The following PTPRN2 variants were observed in gnomAD, a reference collection of about 807,000 sequenced individuals.
PTPRN2 encodes protein tyrosine phosphatase receptor type N2.
A neutral mutation model predicts 118.8 loss-of-function variants in PTPRN2; 74 were observed. The observed-to-expected ratio is 0.62, with a 90% CI of 0.52 to 0.76. The LOEUF (loss-of-function observed/expected upper bound fraction) is 0.76, where lower values mean the gene tolerates loss of function less well. Ranked by LOEUF, PTPRN2 falls within the 30% of genes least tolerant of loss-of-function variation. PTPRN2 has a pLI of 0.00. For synonymous variants in PTPRN2, 641 were observed against 608.0 expected (o/e 1.05, Z -0.80); for missense variants, 1,481 against 1,394.4 (o/e 1.06, Z -0.99).
chr7:157,823,146 T>TAACC (rs1554460102), intron 12 of PTPRN2, among the ~76,000 whole-genome samples: 5 of 151,752 alleles, frequency 3.3e-5, no homozygotes, highest in African/African-American at 9.7e-5. Flanking sequence ...TGGAAGCATA[T>TAACC]ATCCATCCAT....
rs13236990 is a variant in PTPRN2, at chr7:158,087,668, G to A, written c.1644-6291C>T. On this transcript the variant is annotated intron_variant, in intron 10 of 22. Coordinates refer to ENST00000389418, the MANE Select transcript of PTPRN2 (RefSeq NM_002847.5). ...ACACAAACCTTCCTCCCCTGATGAA[G>A]GAGGGAGTCTTCACACAAACCTTCT... is the stretch of plus-strand genomic sequence containing the variant. Among the ~76,000 whole-genome samples, 1,098 of 124,942 alleles carry A rather than the reference G, an allele frequency of 8.8e-3. 110 individuals are homozygous for A. Among genetic ancestry groups the A allele is most frequent in the East Asian group, 0.024 (98 of 4,048 alleles). 82.0% of individuals were successfully genotyped at this position (124,942 alleles called of 152,430 possible).
intron 13 of PTPRN2, 135 bp from the exon 14 acceptor site, chr7:157,656,686 C>T (rs1806119966): frequency 3.3e-6 from 3 of 911,214 alleles, no homozygotes; most frequent in South Asian, 3.3e-5. Context: ...GAGTTTACCC[C>T]AGGGCAGGCC....
At chr7:158,104,456 G>T (rs561302707) in intron 10 of PTPRN2, among the ~76,000 whole-genome samples, 1 of 152,168 alleles carries the variant, frequency 6.6e-6, no homozygotes, top group Non-Finnish European at 1.5e-5. Flanking sequence ...AAGATCAGCA[G>T]CAGGGCCCCT....
In PTPRN2 at chr7:157,583,967, A is replaced by G. The variant is rs1037126392; in HGVS notation, c.2497-5827T>C. Among the ~76,000 whole-genome samples the G allele has an allele frequency of 6.6e-6, 1 of 151,854 alleles. No homozygotes were observed. The highest frequency in any genetic ancestry group is 1.5e-5 in the Non-Finnish European group (1 of 68,024). On this transcript the variant is annotated intron_variant, in intron 17 of 22. Coordinates refer to ENST00000389418, the MANE Select transcript of PTPRN2 (RefSeq NM_002847.5). The surrounding 1 kb of genome is among the most constrained non-coding windows in gnomAD (Gnocchi z 5.5). ...AATAAGCTCTCCTGAAGCCCCACAG[A>G]GACCTGATTTAAGGGAAGATGATCA...
At chr7:157,896,777 T>G (rs1451383417) in intron 12 of PTPRN2, among the ~76,000 whole-genome samples, 3 of 152,232 alleles carry the variant, frequency 2.0e-5, no homozygotes, top group African/African-American at 7.2e-5. Context: ...CCACTTGGGC[T>G]GGAGCTGCCC....
At chr7:158,143,144 G>T (rs946886836) in intron 6 of PTPRN2, among the ~76,000 whole-genome samples, 2 of 152,150 alleles carry the variant, frequency 1.3e-5, no homozygotes, top group Non-Finnish European at 2.9e-5. Flanking sequence ...CACGTCCACA[G>T]GTCCAATGCT....
At chr7:158,194,127 G>A (rs367738334) in intron 4 of PTPRN2, among the ~76,000 whole-genome samples, 4 of 139,416 alleles carry the variant, frequency 2.9e-5, no homozygotes, top group South Asian at 4.2e-4. Flanking sequence ...GCGCATGTGC[G>A]TGTGTGAGTT....
At chr7:158,023,761 C>T (rs1807072644) in intron 11 of PTPRN2, among the ~76,000 whole-genome samples, 1 of 152,212 alleles carries the variant, frequency 6.6e-6, no homozygotes, top group African/African-American at 2.4e-5. Flanking sequence ...CTCATCAAGC[C>T]ACTCAGTCAT....
intron 6 of PTPRN2, among the ~76,000 whole-genome samples, chr7:158,145,862 C>T (rs140978037): frequency 4.2e-4 from 64 of 152,322 alleles, no homozygotes; most frequent in Non-Finnish European, 8.4e-4. Flanking sequence ...AAAGGCTGAC[C>T]ATGCTCCCGG....
chr7:158,082,960 C>T (rs1455605110), intron 10 of PTPRN2, among the ~76,000 whole-genome samples: 1 of 152,174 alleles, frequency 6.6e-6, no homozygotes, highest in Non-Finnish European at 1.5e-5. Context: ...TATGGGCCCT[C>T]AGAAAGGAGG....
intron 12 of PTPRN2, among the ~76,000 whole-genome samples, chr7:157,843,150 A>G (rs1241977525): frequency 1.3e-5 from 2 of 152,242 alleles, no homozygotes; most frequent in African/African-American, 2.4e-5. Flanking sequence ...CTCTCTGTTT[A>G]TTGAGTGGAT....
At chr7:157,978,844 G>A (rs1411500291) in intron 11 of PTPRN2, among the ~76,000 whole-genome samples, 3 of 152,020 alleles carry the variant, frequency 2.0e-5, no homozygotes, top group Non-Finnish European at 2.9e-5. Context: ...CTGCTCGTGG[G>A]GCTGACAGAC....
At chr7:157,574,184 C>A (rs190175956) in intron 19 of PTPRN2, among the ~76,000 whole-genome samples, 1 of 152,166 alleles carries the variant, frequency 6.6e-6, no homozygotes, top group Non-Finnish European at 1.5e-5. Flanking sequence ...ACTTCCACAA[C>A]AGGAATTCAC....
intron 12 of PTPRN2, among the ~76,000 whole-genome samples, chr7:157,814,083 G>A (rs80052592): frequency 2.0e-5 from 3 of 152,376 alleles, no homozygotes; most frequent in South Asian, 4.1e-4. Flanking sequence ...GCCGTGCTGC[G>A]CAGGTGAGGC....
intron 21 of PTPRN2, among the ~76,000 whole-genome samples, chr7:157,568,298 C>T (rs1799586870): frequency 6.6e-6 from 1 of 152,208 alleles, no homozygotes. Context: ...CCACAGGCCT[C>T]AAGTCTAAGA....
At chr7:158,572,963 C>G (rs1388979116) in intron 1 of PTPRN2, among the ~76,000 whole-genome samples, 1 of 152,160 alleles carries the variant, frequency 6.6e-6, no homozygotes, top group Non-Finnish European at 1.5e-5. Flanking sequence ...ATAAATAAAT[C>G]TCACTCCATG....
Position 158,514,417 on chromosome 7 carries a change from A to G in PTPRN2, c.113-24632T>C, listed in dbSNP as rs542377070. On this transcript the variant is annotated intron_variant, in intron 1 of 22. Coordinates refer to ENST00000389418, the MANE Select transcript of PTPRN2 (RefSeq NM_002847.5). ...GACGTGGGCTGCCCAGTCCCTGAAC[A>G]AGCATGGGCCTGGCAGGGGTGTTCC... is the stretch of plus-strand genomic sequence containing the variant. 2.0e-5 allele frequency among the ~76,000 whole-genome samples: 3 copies of G among 152,258 alleles called. No homozygotes were observed. In the South Asian group the frequency reaches 6.2e-4, roughly 32 times the overall value.
intron 10 of PTPRN2, among the ~76,000 whole-genome samples, chr7:158,106,972 T>G (rs1815739843): frequency 6.6e-6 from 1 of 152,164 alleles, no homozygotes; most frequent in African/African-American, 2.4e-5. Context: ...TCAACCTCTG[T>G]GAAATCTGTC....
chr7:157,649,667 G>A (rs1230496103), intron 14 of PTPRN2, among the ~76,000 whole-genome samples: 3 of 126,826 alleles, frequency 2.4e-5, no homozygotes, highest in African/African-American at 5.6e-5. Flanking sequence ...CCCATCCAGC[G>A]TGCACTGAAC....
Sources: allele counts gnomAD v4.1 joint callset (sites outside exome capture counted in the v4.1 genomes callset), GRCh38; gene constraint gnomAD v4.1.1; non-coding constraint Gnocchi (gnomAD v3.1); transcripts MANE v1.5; gene names NCBI Gene and HGNC (gene_info 2026-07-23, HGNC 2026-07-21).